The following PCCA variants were observed in gnomAD, a reference collection of about 807,000 sequenced individuals.
PCCA encodes propionyl-CoA carboxylase alpha chain, mitochondrial.
Under a neutral mutation model 101.3 loss-of-function variants are expected in PCCA, and 74 were observed. The observed-to-expected ratio is 0.73, with a 90% CI of 0.61 to 0.89. The LOEUF is 0.89. Ranked by LOEUF, PCCA falls within the 40% of genes least tolerant of loss-of-function variation. The probability of loss-of-function intolerance (pLI) is 0.00; values close to 1 mark genes in which losing one functional copy is unlikely to be tolerated. For missense variants in PCCA, 891 were observed against 907.0 expected, an observed-to-expected ratio of 0.98 and a Z score of 0.23; for synonymous variants, 294 against 313.6, an observed-to-expected ratio of 0.94 and a Z score of 0.66.
chr13:100,139,734 G>A (rs2051633982), intron 4 of PCCA, among the ~76,000 whole-genome samples: 2 of 152,084 alleles, frequency 1.3e-5, no homozygotes, highest in Admixed American at 1.3e-4. Context: ...CTTGGTATTT[G>A]ATTTTTCCTT....
intron 16 of PCCA, among the ~76,000 whole-genome samples, chr13:100,319,936 C>T (rs1377100893): frequency 6.6e-5 from 10 of 152,150 alleles, no homozygotes; most frequent in East Asian, 3.8e-4. Context: ...GCCATTTTCA[C>T]GATATTAGTT....
chr13:100,482,275 G>C (rs2152970095), intron 21 of PCCA, among the ~76,000 whole-genome samples: 1 of 152,346 alleles, frequency 6.6e-6, no homozygotes, highest in South Asian at 2.1e-4. Flanking sequence ...TCAGAAGGCA[G>C]TAGCCAGGAG....
chr13:100,197,260 T>A (rs2058166333), intron 6 of PCCA, among the ~76,000 whole-genome samples: 1 of 151,888 alleles, frequency 6.6e-6, no homozygotes, highest in Non-Finnish European at 1.5e-5. Context: ...CAGGCTGGAG[T>A]GCAGTGGTGT....
intron 9 of PCCA, among the ~76,000 whole-genome samples, chr13:100,261,625 T>C (rs369593725): frequency 6.6e-6 from 1 of 151,946 alleles, no homozygotes; most frequent in East Asian, 1.9e-4. Flanking sequence ...CCCACCCAAG[T>C]TTGCGTTTTG....
intron 7 of PCCA, among the ~76,000 whole-genome samples, chr13:100,218,338 T>C (rs2059631861): frequency 7.2e-6 from 1 of 138,164 alleles, no homozygotes; most frequent in African/African-American, 2.7e-5. Flanking sequence ...TGTCTGGCTA[T>C]GGGTTGTTTT....
intron 7 of PCCA, among the ~76,000 whole-genome samples, chr13:100,228,846 G>A (rs1442198066): frequency 1.3e-5 from 2 of 150,278 alleles, no homozygotes; most frequent in South Asian, 4.2e-4. Context: ...GTTGCAATGA[G>A]CGGGGATCGC....
chr13:100,112,160 A>G (rs1023977720), intron 4 of PCCA, 99 bp downstream of exon 4: 1 of 814,434 alleles, frequency 1.2e-6, no homozygotes, highest in African/African-American at 1.7e-5. Context: ...CACAAGATAC[A>G]TTCAAGTTTA....
intron 6 of PCCA, among the ~76,000 whole-genome samples, chr13:100,165,691 A>G (rs1012459028): frequency 2.0e-5 from 3 of 152,144 alleles, no homozygotes; most frequent in African/African-American, 7.2e-5. Context: ...TAAGTTGTAG[A>G]TAATAGTACA....
At chr13:100,224,012 C>T (rs2059981430) in intron 7 of PCCA, among the ~76,000 whole-genome samples, 1 of 152,258 alleles carries the variant, frequency 6.6e-6, no homozygotes, top group Admixed American at 6.5e-5. Context: ...ACCGGGGCTG[C>T]AGGTGGAGCT....
At chr13:100,282,574 A>C (rs1391033884) in intron 12 of PCCA, among the ~76,000 whole-genome samples, 1 of 152,196 alleles carries the variant, frequency 6.6e-6, no homozygotes, top group Non-Finnish European at 1.5e-5. Context: ...CACCCGGGCC[A>C]GCGGCTGTGG....
At chr13:100,449,954 G>T (rs1238162497) in intron 21 of PCCA, among the ~76,000 whole-genome samples, 4 of 152,148 alleles carry the variant, frequency 2.6e-5, no homozygotes, top group Non-Finnish European at 5.9e-5. Flanking sequence ...ACTTTGCATT[G>T]TCACCTAGTG....
In PCCA at chr13:100,340,226, A is replaced by T. The variant is rs770398181; in HGVS notation, c.1610A>T (p.Gln537Leu). The T allele has an allele frequency of 6.2e-7, 1 of 1,606,744 alleles. No homozygotes were observed. Among genetic ancestry groups the T allele is most frequent in the East Asian group, 2.2e-5 (1 of 44,814 alleles). The change falls in exon 18 of 24, where the codon CAG (glutamine) becomes CTG (leucine). Residue 537 changes from glutamine to leucine, a missense_variant. By Grantham distance (113) the Gln-to-Leu change is moderately radical (BLOSUM62 -2). Coordinates refer to ENST00000376285, the MANE Select transcript of PCCA (RefSeq NM_000282.4). ...GCATCATCATTGTTTGTGGCATTCC[A>T]GTTAAGAGCACAACATTTTCAAGAA... ...AIASSLFVAF[Q>L]LRAQHFQENS...
Position 100,463,313 on chromosome 13 carries a change from AG to A in PCCA, c.1899+14010del, listed in dbSNP as rs1159997865. Among the ~76,000 whole-genome samples the A allele has an allele frequency of 4.8e-5, 7 of 145,064 alleles. No homozygotes were observed. The South Asian group carries it at 1.4e-3, about 28-fold the overall frequency. On this transcript the variant is annotated intron_variant, in intron 21 of 23. Transcript: ENST00000376285. ...GAAAGAAGAATCATAATCTCATCAG[AG>A]GTGGTTGGTTTTATTGGTGTGGTTT...
intron 10 of PCCA, among the ~76,000 whole-genome samples, chr13:100,268,286 A>C (rs558778973): frequency 1.3e-5 from 2 of 152,330 alleles, no homozygotes; most frequent in East Asian, 3.9e-4. Context: ...GTCATTTCCC[A>C]ATCAACAGAC....
At chr13:100,395,719 A>G (rs541894403) in intron 19 of PCCA, among the ~76,000 whole-genome samples, 181 of 152,270 alleles carry the variant, frequency 1.2e-3, no homozygotes, top group Non-Finnish European at 2.2e-3. Flanking sequence ...TGATTTTGTA[A>G]TGTTTTTATT....
At chr13:100,524,957 A>ATAGACC (rs1322390147) in intron 22 of PCCA, among the ~76,000 whole-genome samples, 2 of 150,052 alleles carry the variant, frequency 1.3e-5, no homozygotes, top group Admixed American at 6.7e-5. Context: ...GATAGATAGG[A>ATAGACC]TAGACCGAGA....
At chr13:100,425,549 G>A in intron 19 of PCCA, 84 bp from the exon 20 acceptor site, 1 of 902,612 alleles carries the variant, frequency 1.1e-6, no homozygotes, top group Non-Finnish European at 1.8e-6. Flanking sequence ...GTTTAAAATG[G>A]CTGCTGCTTT....
intron 4 of PCCA, chr13:100,149,592 G>C (rs890954433): frequency 2.6e-5 from 4 of 152,156 alleles, no homozygotes; most frequent in Admixed American, 2.0e-4. Context: ...GTAAGCTGTT[G>C]CTACTTTCAG....
intron 4 of PCCA, among the ~76,000 whole-genome samples, chr13:100,114,634 A>G (rs2048626591): frequency 6.6e-6 from 1 of 152,196 alleles, no homozygotes; most frequent in African/African-American, 2.4e-5. Flanking sequence ...CTGAATAGTC[A>G]TTTCTCAAAA....
Sources: gnomAD v4.1 joint callset for allele counts (sites outside exome capture counted in the v4.1 genomes callset) on GRCh38, gnomAD v4.1.1 for gene constraint, MANE v1.5 for transcripts, NCBI Gene and HGNC (gene_info 2026-07-23, HGNC 2026-07-21) for gene names.